The following SLC16A10 variants were observed in gnomAD, a reference collection of about 807,000 sequenced individuals.
SLC16A10 encodes monocarboxylate transporter 10.
In SLC16A10, 27 loss-of-function variants were observed where a neutral mutation model predicts 40.0. The ratio of observed to expected loss-of-function variants is 0.67; its 90% CI spans 0.50 to 0.93. The LOEUF is 0.93. Among genes scored for constraint, SLC16A10 ranks in the 40% least tolerant of loss-of-function variants. The probability of loss-of-function intolerance (pLI) is 0.00; values close to 1 mark genes in which losing one functional copy is unlikely to be tolerated. For synonymous variants in SLC16A10, 213 were observed against 249.8 expected (o/e 0.85, Z 1.39); for missense variants, 529 against 658.2 (o/e 0.80, Z 2.15).
At chr6:111,111,978 G>A (rs1024269141) in intron 1 of SLC16A10, among the ~76,000 whole-genome samples, 6 of 152,118 alleles carry the variant, frequency 3.9e-5, no homozygotes, top group Non-Finnish European at 8.8e-5. Context: ...TTGTATGTGT[G>A]TATAGATGTG....
intron 3 of SLC16A10, among the ~76,000 whole-genome samples, chr6:111,190,922 G>T (rs1170656532): frequency 6.6e-6 from 1 of 152,224 alleles, no homozygotes; most frequent in Non-Finnish European, 1.5e-5. Context: ...CATTGTCTTG[G>T]CAATTAACAT....
intron 1 of SLC16A10, among the ~76,000 whole-genome samples, chr6:111,127,347 A>G (rs923095720): frequency 6.6e-6 from 1 of 152,200 alleles, no homozygotes; most frequent in Admixed American, 6.5e-5. Flanking sequence ...ACCTGGGGGA[A>G]TCACTTCCCA....
intron 1 of SLC16A10, among the ~76,000 whole-genome samples, chr6:111,096,706 A>G (rs959680358): frequency 2.0e-5 from 3 of 152,242 alleles, no homozygotes; most frequent in Non-Finnish European, 4.4e-5. Context: ...TCATTTCACT[A>G]ATTTTTAATT....
intron 1 of SLC16A10, among the ~76,000 whole-genome samples, chr6:111,097,074 A>G (rs116732035): frequency 0.013 from 2,048 of 152,044 alleles, no homozygotes; most frequent in African/African-American, 0.048. Context: ...CTCCAACCTC[A>G]GGCTCCCAGA....
chr6:111,133,335 G>T (rs1459943122), intron 1 of SLC16A10, among the ~76,000 whole-genome samples: 1 of 152,172 alleles, frequency 6.6e-6, no homozygotes, highest in African/African-American at 2.4e-5. Context: ...ATTGGAAAAT[G>T]ACTAGGGGTG....
At chr6:111,178,865 A>G (rs1191485265) in intron 3 of SLC16A10, among the ~76,000 whole-genome samples, 2 of 152,202 alleles carry the variant, frequency 1.3e-5, no homozygotes, top group Non-Finnish European at 1.5e-5. Flanking sequence ...TCATACTATT[A>G]GGAAAGTATA....
chr6:111,170,640 A>C (rs1197438757), intron 1 of SLC16A10, among the ~76,000 whole-genome samples: 1 of 151,438 alleles, frequency 6.6e-6, no homozygotes, highest in African/African-American at 2.4e-5. Context: ...GTAGAGGCGG[A>C]GTTTCACCAT....
chr6:111,206,953 C>G (rs996104852), intron 4 of SLC16A10, among the ~76,000 whole-genome samples: 1 of 152,198 alleles, frequency 6.6e-6, no homozygotes, highest in African/African-American at 2.4e-5. Context: ...CTTAGCCTCC[C>G]AGGTAGCTGG....
At chr6:111,191,355 T>C (rs1292959918) in intron 3 of SLC16A10, among the ~76,000 whole-genome samples, 1 of 152,250 alleles carries the variant, frequency 6.6e-6, no homozygotes, top group Non-Finnish European at 1.5e-5. Flanking sequence ...GAACTCATCC[T>C]TTTTTATGGC....
intron 3 of SLC16A10, among the ~76,000 whole-genome samples, chr6:111,195,124 A>G (rs908567305): frequency 2.6e-4 from 39 of 152,336 alleles, no homozygotes; most frequent in South Asian, 6.2e-4. Context: ...TAGGGAAAAA[A>G]AAGAAAACTA....
intron 1 of SLC16A10, among the ~76,000 whole-genome samples, chr6:111,109,031 CAATT>C (rs1388366015): frequency 6.6e-6 from 1 of 152,074 alleles, no homozygotes; most frequent in African/African-American, 2.4e-5. Context: ...TTAGAAGGCT[CAATT>C]AATTAAATGT....
At chr6:111,140,522 C>G (rs1253367061) in intron 1 of SLC16A10, among the ~76,000 whole-genome samples, 3 of 152,084 alleles carry the variant, frequency 2.0e-5, no homozygotes, top group African/African-American at 7.2e-5. Flanking sequence ...TTCACTCCCC[C>G]ACCACTCTAA....
At chr6:111,106,333 C>T (rs902956770) in intron 1 of SLC16A10, among the ~76,000 whole-genome samples, 9 of 151,938 alleles carry the variant, frequency 5.9e-5, no homozygotes, top group East Asian at 1.9e-4. Flanking sequence ...TCATTTGTTA[C>T]GTGTATGGTA....
chr6:111,102,985 A>G (rs1771215842), intron 1 of SLC16A10, among the ~76,000 whole-genome samples: 1 of 152,138 alleles, frequency 6.6e-6, no homozygotes, highest in Non-Finnish European at 1.5e-5. Flanking sequence ...GGCTCACTGC[A>G]GCCTTGACTT....
At chr6:111,213,170 T>G (rs547579166) in intron 4 of SLC16A10, among the ~76,000 whole-genome samples, 1 of 152,188 alleles carries the variant, frequency 6.6e-6, no homozygotes, top group Non-Finnish European at 1.5e-5. Context: ...ATGGACATAT[T>G]GAAGCATGGA....
intron 3 of SLC16A10, among the ~76,000 whole-genome samples, chr6:111,185,035 A>C (rs1003283873): frequency 6.6e-6 from 1 of 152,172 alleles, no homozygotes; most frequent in African/African-American, 2.4e-5. Flanking sequence ...ACAAGCCTTC[A>C]TCTCTCTGTG....
intron 1 of SLC16A10, among the ~76,000 whole-genome samples, chr6:111,146,736 CAA>C (rs58677368): frequency 1.5e-5 from 2 of 134,050 alleles, no homozygotes; most frequent in Admixed American, 7.5e-5. Flanking sequence ...GACTCCGTCT[CAA>C]AAAAAAAAAA....
chr6:111,128,300 G>A (rs1464814470), intron 1 of SLC16A10, among the ~76,000 whole-genome samples: 1 of 152,112 alleles, frequency 6.6e-6, no homozygotes, highest in Non-Finnish European at 1.5e-5. Flanking sequence ...TTACAGATGA[G>A]GAAAATGAGG....
intron 1 of SLC16A10, among the ~76,000 whole-genome samples, chr6:111,143,246 AT>A (rs921552421): frequency 2.3e-4 from 33 of 146,478 alleles, no homozygotes; most frequent in African/African-American, 2.2e-4. Context: ...CACCTGGCTA[AT>A]TTTTTTTTTT....
Sources: gnomAD v4.1 joint callset for allele counts (sites outside exome capture counted in the v4.1 genomes callset) on GRCh38, gnomAD v4.1.1 for gene constraint, MANE v1.5 for transcripts, NCBI Gene and HGNC (gene_info 2026-07-23, HGNC 2026-07-21) for gene names.